The following EIF4B variants were observed in gnomAD, a reference collection of about 807,000 sequenced individuals.
EIF4B encodes eukaryotic translation initiation factor 4B.
Under a neutral mutation model 79.3 loss-of-function variants are expected in EIF4B, and 8 were observed. That is an observed-to-expected ratio of 0.10 (90% confidence interval 0.06 to 0.18). EIF4B has a LOEUF of 0.18. Ranked by LOEUF, EIF4B falls within the 10% of genes least tolerant of loss-of-function variation. EIF4B has a pLI of 1.00. For missense variants in EIF4B, 515 were observed against 792.4 expected (o/e 0.65, Z 4.20); for synonymous variants, 238 against 274.7 (o/e 0.87, Z 1.32).
chr12:53,009,866 G>GA (rs1275788127), intron 1 of EIF4B, among the ~76,000 whole-genome samples: 3 of 152,122 alleles, frequency 2.0e-5, no homozygotes, highest in Non-Finnish European at 4.4e-5. Flanking sequence ...TAATGTCATT[G>GA]AAAAAAGAGG....
At chr12:53,016,353 T>C in intron 1 of EIF4B, 120 bp from the exon 2 acceptor site, 1 of 1,329,886 alleles carries the variant, frequency 7.5e-7, no homozygotes, top group Non-Finnish European at 1.0e-6. Context: ...TGCCATAATT[T>C]AACCATTTGA....
At chr12:53,012,555 CA>C (rs564588199) in intron 1 of EIF4B, among the ~76,000 whole-genome samples, 525 of 141,238 alleles carry the variant, frequency 3.7e-3, no homozygotes, top group Non-Finnish European at 5.9e-3. Flanking sequence ...ATTTCTGTCT[CA>C]AAAAAAAAGA....
chr12:53,022,743 T>C, intron 6 of EIF4B, 116 bp downstream of exon 6: 1 of 1,307,630 alleles, frequency 7.6e-7, no homozygotes, highest in Non-Finnish European at 9.9e-7. Flanking sequence ...GGAAAGCAGA[T>C]TAAGAAAAAT....
chr12:53,028,407 C>T (rs534507460), intron 8 of EIF4B, among the ~76,000 whole-genome samples: 5 of 151,904 alleles, frequency 3.3e-5, no homozygotes, highest in Admixed American at 3.3e-4. Flanking sequence ...AACCCCGTCT[C>T]TACCAGGTGT....
chr12:53,039,729 T>C lies in EIF4B; in HGVS notation c.1755+27T>C, dbSNP rs753321854. 43 of 1,600,028 alleles carry C rather than the reference T, an allele frequency of 2.7e-5. 1 individual carries two copies. The South Asian group carries it at 4.4e-4, about 16-fold the overall frequency. Reference sequence around the variant, plus strand: ...TAAGTGTTGAAGGCTGCTCCCAATTTTTCATTCTAAGAAAAATTCTTAGAA... The same window carrying C: ...TAAGTGTTGAAGGCTGCTCCCAATTCTTCATTCTAAGAAAAATTCTTAGAA... On this transcript the variant is annotated intron_variant, in intron 14 of 14. Coordinates refer to ENST00000262056, the MANE Select transcript of EIF4B (RefSeq NM_001417.7).
Position 53,039,664 on chromosome 12 carries a change from G to C in EIF4B, c.1717G>C (p.Ala573Pro). The change falls in exon 14 of 15, where the codon GCA (alanine) becomes CCA (proline). Residue 573 changes from alanine to proline, a missense_variant. Physicochemically the swap from Ala to Pro is conservative, Grantham distance 27 (BLOSUM62 -1). Coordinates refer to ENST00000262056, the MANE Select transcript of EIF4B (RefSeq NM_001417.7). Reference protein sequence around the residue: ...DGKKDQDSRSAPEPKKPEENP... With the variant: ...DGKKDQDSRSPPEPKKPEENP... ...CAAAAAGGATCAAGACTCCAGATCT[G>C]CACCTGAGCCAAAGAAACCTGAGGA... The C allele has an allele frequency of 6.2e-7, 1 of 1,613,782 alleles. No homozygotes were observed. Among genetic ancestry groups the C allele is most frequent in the Non-Finnish European group, 8.5e-7 (1 of 1,179,826 alleles).
intron 4 of EIF4B, 104 bp downstream of exon 4, chr12:53,020,130 C>T (rs1943224341): frequency 1.2e-6 from 1 of 863,858 alleles, no homozygotes; most frequent in African/African-American, 1.7e-5. Context: ...TTCAAAGATT[C>T]CCATATCTAC....
intron 12 of EIF4B, 72 bp from the exon 13 acceptor site, chr12:53,039,166 A>G: frequency 8.8e-7 from 1 of 1,141,308 alleles, no homozygotes; most frequent in Non-Finnish European, 1.3e-6. Context: ...TCTTCAGCTT[A>G]AGGGAAATCT....
chr12:53,027,874 G>A lies in EIF4B; in HGVS notation c.760G>A (p.Gly254Ser). ...GPRRDMDRYGGRDRYDDRGSR... is the reference protein window; with the variant it reads ...GPRRDMDRYGSRDRYDDRGSR... Reference sequence around the variant, plus strand: ...ACGCCGGGATATGGATCGATATGGTGGCCGGGATCGCTATGATGACCGAGG... The same window carrying A: ...ACGCCGGGATATGGATCGATATGGTAGCCGGGATCGCTATGATGACCGAGG... Residue 254 changes from glycine to serine, a missense_variant, in exon 7 of 15, where the codon GGC becomes AGC. Transcript: ENST00000262056. The A allele has an allele frequency of 6.2e-7, 1 of 1,614,246 alleles. No homozygotes were observed. The highest frequency in any genetic ancestry group is 8.5e-7 in the Non-Finnish European group (1 of 1,180,052).
At chr12:53,017,267 A>C (rs937887880) in intron 2 of EIF4B, among the ~76,000 whole-genome samples, 23 of 140,310 alleles carry the variant, frequency 1.6e-4, no homozygotes, top group Admixed American at 1.0e-3. Context: ...AAAAAAAAAA[A>C]GTGATGTTTC....
rs959699260 is a variant in EIF4B, at chr12:53,034,654, G to A, written c.1251G>A (p.Arg417=). 6.2e-7 allele frequency: 1 copy of A among 1,614,006 alleles called. No individual in the cohort carries two copies. The highest frequency in any genetic ancestry group is 8.5e-7 in the Non-Finnish European group (1 of 1,179,868). The change falls in exon 10 of 15, where the codon CGG becomes CGA. Residue 417 remains arginine, a synonymous_variant. Coordinates refer to ENST00000262056, the MANE Select transcript of EIF4B (RefSeq NM_001417.7). The stretch of plus-strand genomic sequence containing the variant: ...GTGAAGAAACTCAGGAACGGGAACG[G>A]TCGAGGACAGGAAGTGAGTCATCAC... ...WRSEETQERE[R]SRTGSESSQT... is the part of the protein sequence containing the mutation.
chr12:53,016,363 AGGAGCG>A, intron 1 of EIF4B, 104 bp from the exon 2 acceptor site: 1 of 1,399,496 alleles, frequency 7.1e-7, no homozygotes, highest in Non-Finnish European at 9.7e-7. Context: ...TAACCATTTG[AGGAGCG>A]TCCATGTTAT....
intron 12 of EIF4B, 90 bp from the exon 13 acceptor site, chr12:53,039,148 C>A: frequency 1.1e-6 from 1 of 936,682 alleles, no homozygotes; most frequent in Admixed American, 2.3e-5. Context: ...TACATGTGGG[C>A]ACAATTTTCT....
Position 53,037,416 on chromosome 12 carries a change from A to C in EIF4B, c.1314A>C (p.Arg438=), listed in dbSNP as rs762875941. ...GTSTTSSRNA[R]RRESEKSLEN... ...TTCACTCTGGCTTCACAGATGCACG[A>C]AGGAGAGAGAGTGAGAAGTCTCTAG... The change falls in exon 11 of 15, where the codon CGA becomes CGC. Residue 438 remains arginine, a synonymous_variant. Transcript: ENST00000262056. 7 of 1,611,628 alleles carry C rather than the reference A, an allele frequency of 4.3e-6. No individual in the cohort carries two copies. The South Asian group carries it at 6.6e-5, about 15-fold the overall frequency.
chr12:53,013,913 C>CTGAG (rs1315760001), intron 1 of EIF4B: 1 of 152,168 alleles, frequency 6.6e-6, no homozygotes, highest in Admixed American at 6.6e-5. Context: ...CTAATCCCAG[C>CTGAG]ACTTTGGAAG....
intron 5 of EIF4B, 36 bp downstream of exon 5, chr12:53,021,896 GTCC>G: frequency 6.2e-7 from 1 of 1,613,308 alleles, no homozygotes; most frequent in Non-Finnish European, 8.5e-7. Context: ...TTTGGTAATG[GTCC>G]CAGGATGACA....
Position 53,016,700 on chromosome 12 carries a change from AAAG to A in EIF4B, c.151+93_151+95del, listed in dbSNP as rs941906079. ...ATAATTCACATCGTTTGTAATCTGA[AAAG>A]AACTTACTCATTTTTTAGCACCTGA... On this transcript the variant is annotated intron_variant, in intron 2 of 14. Coordinates refer to ENST00000262056, the MANE Select transcript of EIF4B (RefSeq NM_001417.7). The A allele has an allele frequency of 7.5e-6, 11 of 1,473,978 alleles. No individual in the cohort carries two copies. The African/African-American group carries it at 1.0e-4, about 13-fold the overall frequency. 91.3% of individuals were successfully genotyped at this position (1,473,978 alleles called of 1,614,324 possible).
chr12:53,022,900 G>T (rs1319296390), intron 6 of EIF4B, among the ~76,000 whole-genome samples: 2 of 152,118 alleles, frequency 1.3e-5, no homozygotes, highest in African/African-American at 4.8e-5. Context: ...ACTGGGCATG[G>T]TGGCTATAAT....
intron 2 of EIF4B, among the ~76,000 whole-genome samples, chr12:53,016,865 T>A (rs1943156891): frequency 6.6e-6 from 1 of 152,228 alleles, no homozygotes; most frequent in Non-Finnish European, 1.5e-5. Flanking sequence ...TAAGTTACTA[T>A]TCTTTTGGGC....
Sources: allele counts gnomAD v4.1 joint callset (sites outside exome capture counted in the v4.1 genomes callset), GRCh38; gene constraint gnomAD v4.1.1; transcripts MANE v1.5; gene names NCBI Gene and HGNC (gene_info 2026-07-23, HGNC 2026-07-21).